SPECC1: variants seen among roughly 807,000 people sequenced by gnomAD.
SPECC1 encodes cytospin-B.
In SPECC1, 62 loss-of-function variants were observed where a neutral mutation model predicts 104.1. The ratio of observed to expected loss-of-function variants is 0.60; its 90% CI spans 0.49 to 0.74. The LOEUF (loss-of-function observed/expected upper bound fraction) is 0.74, where lower values mean the gene tolerates loss of function less well. Ranked by LOEUF, SPECC1 falls within the 30% of genes least tolerant of loss-of-function variation. The pLI is 0.00. For synonymous variants in SPECC1, 513 were observed against 501.6 expected, an observed-to-expected ratio of 1.02 and a Z score of -0.30; for missense variants, 1,306 against 1,310.5, an observed-to-expected ratio of 1.00 and a Z score of 0.05.
intron 3 of SPECC1, among the ~76,000 whole-genome samples, chr17:20,143,513 G>A (rs561390648): frequency 5.7e-4 from 86 of 151,676 alleles, no homozygotes; most frequent in South Asian, 1.5e-3. Context: ...GTGAAACCCT[G>A]TCTCTACTAA....
intron 3 of SPECC1, among the ~76,000 whole-genome samples, chr17:20,175,202 AT>A (rs566750525): frequency 1.6e-3 from 250 of 152,272 alleles, no homozygotes; most frequent in African/African-American, 5.6e-3. Context: ...AAAGCTCCTG[AT>A]GCCATCATCA....
intron 4 of SPECC1, among the ~76,000 whole-genome samples, chr17:20,213,858 C>T (rs1485927094): frequency 2.1e-5 from 3 of 141,848 alleles, no homozygotes; most frequent in Non-Finnish European, 3.0e-5. Context: ...ATCCTCAAGA[C>T]AGTGGGAGTC....
intron 1 of SPECC1, among the ~76,000 whole-genome samples, chr17:20,032,478 A>AT (rs1362568813): frequency 6.6e-6 from 1 of 151,198 alleles, no homozygotes; most frequent in African/African-American, 2.4e-5. Context: ...TTTATTTTTC[A>AT]TTTGAATAAT....
At chr17:20,199,393 T>G (rs796411329) in intron 3 of SPECC1, among the ~76,000 whole-genome samples, 3 of 142,364 alleles carry the variant, frequency 2.1e-5, no homozygotes, top group Non-Finnish European at 1.5e-5. Flanking sequence ...GTTTTTTTTT[T>G]TTTTTTTTTT....
intron 3 of SPECC1, among the ~76,000 whole-genome samples, chr17:20,169,411 C>T (rs1044272635): frequency 6.6e-6 from 1 of 151,964 alleles, no homozygotes. Context: ...TTCCAAAATG[C>T]CTTTTGGGCA....
At chr17:20,036,611 G>A (rs976102973) in intron 1 of SPECC1, among the ~76,000 whole-genome samples, 6 of 152,216 alleles carry the variant, frequency 3.9e-5, no homozygotes, top group African/African-American at 1.2e-4. Flanking sequence ...AATATATTAA[G>A]TATAGTTACC....
At position 20,181,782 on chromosome 17, in the gene SPECC1, A is replaced by G. The variant is rs143934252; in HGVS notation, c.284-22551A>G. ...AAAAAAAATTCAATTCACAAATACC[A>G]TAAAATATCTAGGAGTAATTTAAAC... On this transcript the variant is annotated intron_variant, in intron 3 of 14. Coordinates refer to ENST00000395527, the MANE Select transcript of SPECC1 (RefSeq NM_001243439.2). Among the ~76,000 whole-genome samples the G allele has an allele frequency of 7.5e-3, 1,150 of 152,322 alleles. 15 individuals carry two copies. The highest frequency in any genetic ancestry group is 0.025 in the African/African-American group (1,034 of 41,580).
At chr17:20,097,658 G>A (rs979831053) in intron 2 of SPECC1, among the ~76,000 whole-genome samples, 3 of 152,140 alleles carry the variant, frequency 2.0e-5, no homozygotes, top group Admixed American at 6.6e-5. Flanking sequence ...GCATGGTGCC[G>A]GCTCCCTTTG....
chr17:20,049,713 G>A (rs552948950), intron 1 of SPECC1, among the ~76,000 whole-genome samples: 2 of 152,200 alleles, frequency 1.3e-5, no homozygotes, highest in East Asian at 3.9e-4. Context: ...TATAACTTCA[G>A]GGTTTTTATA....
Position 20,128,226 on chromosome 17 carries a change from G to A in SPECC1, c.283+17664G>A, listed in dbSNP as rs371367793. 1.2e-4 allele frequency among the ~76,000 whole-genome samples: 19 copies of A among 152,302 alleles called. No homozygotes were observed. In the East Asian group the frequency reaches 2.5e-3, roughly 20 times the overall value. ...GCAGTGTTGAGAATTCAAATACCAGGCGTGTTGACATCAGTGACTTTGAAA... is the reference window on the plus strand; with the variant it reads ...GCAGTGTTGAGAATTCAAATACCAGACGTGTTGACATCAGTGACTTTGAAA... On this transcript the variant is annotated intron_variant, in intron 3 of 14. Transcript: ENST00000395527.
intron 3 of SPECC1, among the ~76,000 whole-genome samples, chr17:20,167,113 C>CTA (rs1456300773): frequency 1.4e-5 from 2 of 147,474 alleles, no homozygotes; most frequent in East Asian, 2.0e-4. Flanking sequence ...CCCAAATTAG[C>CTA]TATATATATG....
chr17:20,303,304 C>T (rs1313424002), intron 13 of SPECC1, among the ~76,000 whole-genome samples: 1 of 152,222 alleles, frequency 6.6e-6, no homozygotes, highest in Non-Finnish European at 1.5e-5. Context: ...CACAGCTCCC[C>T]TCTCAGCAGA....
intron 1 of SPECC1, among the ~76,000 whole-genome samples, chr17:20,020,476 G>A (rs1597573041): frequency 1.3e-5 from 2 of 152,070 alleles, no homozygotes; most frequent in Admixed American, 6.5e-5. Context: ...GCTAACTACA[G>A]GCATGTGCCA....
chr17:20,155,746 T>C, intron 3 of SPECC1: 1 of 234,744 alleles, frequency 4.3e-6, no homozygotes, highest in East Asian at 1.1e-4. Context: ...CTCACCGCAG[T>C]GGGGTTTTTC....
chr17:20,254,134 CGTGTGTGT>C (rs71357419), intron 10 of SPECC1, among the ~76,000 whole-genome samples: 7,578 of 135,942 alleles, frequency 0.056, 259 homozygotes, highest in Non-Finnish European at 0.08. Flanking sequence ...GTTGTTACAC[CGTGTGTGT>C]GTGTGTGTGT....
intron 12 of SPECC1, among the ~76,000 whole-genome samples, chr17:20,296,295 T>G (rs887991830): frequency 2.6e-5 from 4 of 152,238 alleles, no homozygotes; most frequent in African/African-American, 9.6e-5. Flanking sequence ...CCCCGTTGCT[T>G]GTTTTTGTCA....
chr17:20,111,761 G>C lies in SPECC1; in HGVS notation c.283+1199G>C. 4.0e-6 allele frequency: 3 copies of C among 742,840 alleles called. No homozygotes were observed. In the Admixed American group the frequency reaches 5.3e-5, roughly 13 times the overall value. The allele number at this position is 742,840 out of a possible 1,614,324, so 46.0% of individuals were successfully genotyped here. A position where few individuals can be genotyped will look rare whatever the true frequency, so the allele number is the denominator to read the frequency against. On this transcript the variant is annotated intron_variant, in intron 3 of 14. Coordinates refer to ENST00000395527, the MANE Select transcript of SPECC1 (RefSeq NM_001243439.2). ...GAGGGGAAAGGCGGAAGGAGAAAAA[G>C]GTGGGAGGAGGATCGGGTGGGAGGG...
In SPECC1 at chr17:20,282,947, G is replaced by A. The variant is rs184123982; in HGVS notation, c.2941-14014G>A. Among the ~76,000 whole-genome samples, 139 of 152,314 alleles carry A rather than the reference G, an allele frequency of 9.1e-4. 2 individuals are homozygous for A. In the East Asian group the frequency reaches 0.025, roughly 28 times the overall value. On this transcript the variant is annotated intron_variant, in intron 12 of 14. Coordinates refer to ENST00000395527, the MANE Select transcript of SPECC1 (RefSeq NM_001243439.2). ...TAATCCCAGCACTTTCAGAGGCTGAGGCAGGAGGATTGCTTGACCTCGGGA... is the reference window on the plus strand; with the variant it reads ...TAATCCCAGCACTTTCAGAGGCTGAAGCAGGAGGATTGCTTGACCTCGGGA...
chr17:20,306,779 A>G (rs1567623470), intron 14 of SPECC1, among the ~76,000 whole-genome samples: 2 of 152,262 alleles, frequency 1.3e-5, no homozygotes, highest in Admixed American at 6.5e-5. Context: ...AGCCCTTAGT[A>G]TACTCTTAGA....
Sources: allele counts gnomAD v4.1 joint callset (sites outside exome capture counted in the v4.1 genomes callset), GRCh38; gene constraint gnomAD v4.1.1; transcripts MANE v1.5; gene names NCBI Gene and HGNC (gene_info 2026-07-23, HGNC 2026-07-21).